DLGAP2: variants seen among roughly 807,000 people sequenced by gnomAD.
DLGAP2 encodes disks large-associated protein 2.
DLGAP2 carries 26 observed loss-of-function variants against 100.3 expected under a neutral mutation model. The ratio of observed to expected loss-of-function variants is 0.26; its 90% CI spans 0.19 to 0.36. The LOEUF (loss-of-function observed/expected upper bound fraction) is 0.36, where lower values mean the gene tolerates loss of function less well. Ranked by LOEUF, DLGAP2 falls within the 10% of genes least tolerant of loss-of-function variation. The pLI, the probability that DLGAP2 is intolerant of heterozygous loss-of-function variation, is 1.00. For missense variants in DLGAP2, 1,858 were observed against 1,453.2 expected (o/e 1.28, Z -4.53); for synonymous variants, 886 against 630.1 (o/e 1.41, Z -6.08).
chr8:1,335,015 A>G (rs892689097), intron 3 of DLGAP2, among the ~76,000 whole-genome samples: 1 of 152,310 alleles, frequency 6.6e-6, no homozygotes, highest in East Asian at 1.9e-4. Context: ...TCTTATAAGC[A>G]TCTAAGTAAA....
At chr8:1,473,595 G>A (rs1364514732) in intron 3 of DLGAP2, among the ~76,000 whole-genome samples, 2 of 152,172 alleles carry the variant, frequency 1.3e-5, no homozygotes, top group Non-Finnish European at 2.9e-5. Context: ...GCGAGCTTTG[G>A]GGTGATGGGA....
rs1801142208 is a variant in DLGAP2 at position 1,330,894 on chromosome 8, G to A, written c.106+72011G>A. Reference sequence around the variant, plus strand: ...GGGAGCATCGCTTCACGGGGACTGAGTTCTGTGTGGGAGCACCACTTCATG... The same window carrying A: ...GGGAGCATCGCTTCACGGGGACTGAATTCTGTGTGGGAGCACCACTTCATG... On this transcript the variant is annotated intron_variant, in intron 3 of 14. Coordinates refer to ENST00000637795, the MANE Select transcript of DLGAP2 (RefSeq NM_001346810.2). 2.7e-5 allele frequency among the ~76,000 whole-genome samples: 4 copies of A among 149,282 alleles called. No homozygotes were observed. In the South Asian group the frequency reaches 8.6e-4, roughly 32 times the overall value.
chr8:1,369,548 C>G (rs1026316255), intron 3 of DLGAP2: 1 of 152,262 alleles, frequency 6.6e-6, no homozygotes, highest in East Asian at 1.9e-4. Flanking sequence ...CTGTCTACTT[C>G]ATTTGGCCTC....
intron 2 of DLGAP2, among the ~76,000 whole-genome samples, chr8:1,172,294 T>C (rs1234623599): frequency 2.0e-5 from 3 of 152,196 alleles, no homozygotes; most frequent in Non-Finnish European, 4.4e-5. Context: ...TAACCCGACC[T>C]TTCTCTCTGG....
chr8:832,507 T>A (rs2132703453), intron 1 of DLGAP2, among the ~76,000 whole-genome samples: 2 of 152,346 alleles, frequency 1.3e-5, no homozygotes, highest in Middle Eastern at 6.8e-3. Context: ...AGGCTCTGCT[T>A]GTCTCTGCGT....
chr8:1,241,993 G>A (rs1798807047), intron 2 of DLGAP2, among the ~76,000 whole-genome samples: 1 of 152,182 alleles, frequency 6.6e-6, no homozygotes, highest in Non-Finnish European at 1.5e-5. Flanking sequence ...GATGGTCTCT[G>A]AGGGAACTCC....
chr8:831,746 G>T (rs1179542898), intron 1 of DLGAP2, among the ~76,000 whole-genome samples: 2 of 152,136 alleles, frequency 1.3e-5, no homozygotes, highest in Non-Finnish European at 2.9e-5. Flanking sequence ...TTAGATCACT[G>T]GGTCAAATGG....
chr8:1,632,841 G>T lies in DLGAP2; in HGVS notation c.1605G>T (p.Glu535Asp). 6.2e-7 allele frequency: 1 copy of T among 1,611,060 alleles called. No homozygotes were observed. Among genetic ancestry groups the T allele is most frequent in the Non-Finnish European group, 8.5e-7 (1 of 1,177,892 alleles). ...GATGATTGCAGGTGAGCGAGGCGGA[G>T]ATCAATGGGCAATTCGAGTCCGTGT... ...ASCVSQVSEA[E>D]INGQFESVCE... The change falls in exon 8 of 15, where the codon GAG becomes GAT. Residue 535 changes from glutamate to aspartate, a missense_variant. Transcript: ENST00000637795.
intron 2 of DLGAP2, among the ~76,000 whole-genome samples, chr8:969,524 A>C (rs1266711551): frequency 6.6e-6 from 1 of 151,290 alleles, no homozygotes; most frequent in Admixed American, 6.6e-5. Context: ...AGTTTTTAGG[A>C]ATCTTGTGTG....
intron 1 of DLGAP2, among the ~76,000 whole-genome samples, chr8:773,246 G>A (rs1330833083): frequency 6.6e-6 from 1 of 151,964 alleles, no homozygotes; most frequent in Non-Finnish European, 1.5e-5. Context: ...TTTTCACATG[G>A]TCTCTGGTGT....
rs532785396 is a variant in DLGAP2, at chr8:959,774, A to G, written c.73+51808A>G. On this transcript the variant is annotated intron_variant, in intron 2 of 14. Coordinates refer to ENST00000637795, the MANE Select transcript of DLGAP2 (RefSeq NM_001346810.2). Reference sequence around the variant, plus strand: ...CCATCTGACATTCACTTTTATTTTAAACTAAAGAGGAGAGAATATGACTAT... The same window carrying G: ...CCATCTGACATTCACTTTTATTTTAGACTAAAGAGGAGAGAATATGACTAT... Among the ~76,000 whole-genome samples, 7 of 152,294 alleles carry G rather than the reference A, an allele frequency of 4.6e-5. No homozygotes were observed. The South Asian group carries it at 1.5e-3, about 32-fold the overall frequency.
chr8:1,513,480 C>G lies in DLGAP2; in HGVS notation c.172+12049C>G, dbSNP rs780984617. ...GAACAGCTGGTGGGAGCGGTGCAAG[C>G]ACAGCCCAGCTCAGAGGGGCCGTCA... is the stretch of plus-strand genomic sequence containing the variant. On this transcript the variant is annotated intron_variant, in intron 4 of 14. Transcript: ENST00000637795. Among the ~76,000 whole-genome samples, 17 of 152,358 alleles carry G rather than the reference C, an allele frequency of 1.1e-4. No individual in the cohort carries two copies. The South Asian group carries it at 1.7e-3, about 15-fold the overall frequency.
chr8:1,699,844 C>G (rs1342715671), intron 14 of DLGAP2, among the ~76,000 whole-genome samples: 1 of 152,200 alleles, frequency 6.6e-6, no homozygotes, highest in African/African-American at 2.4e-5. Flanking sequence ...ATTGGGGAAC[C>G]CCCACAGGAA....
intron 12 of DLGAP2, among the ~76,000 whole-genome samples, chr8:1,682,618 A>G (rs1042936443): frequency 8.9e-5 from 13 of 146,146 alleles, no homozygotes; most frequent in Non-Finnish European, 1.6e-4. Flanking sequence ...GGGACTACAG[A>G]CACGCACCAC....
At chr8:1,634,568 C>T (rs917185358) in intron 8 of DLGAP2, among the ~76,000 whole-genome samples, 1 of 152,202 alleles carries the variant, frequency 6.6e-6, no homozygotes, top group African/African-American at 2.4e-5. Context: ...CTGATGTGAA[C>T]ATTGAACAAA....
At chr8:1,630,824 T>C (rs1407848933) in intron 7 of DLGAP2, among the ~76,000 whole-genome samples, 2 of 152,136 alleles carry the variant, frequency 1.3e-5, no homozygotes, top group African/African-American at 2.4e-5. Flanking sequence ...GTTTCCTCCT[T>C]GGAACCTCAG....
At chr8:1,186,807 G>C (rs1387597322) in intron 2 of DLGAP2, among the ~76,000 whole-genome samples, 2 of 152,150 alleles carry the variant, frequency 1.3e-5, no homozygotes, top group African/African-American at 4.8e-5. Flanking sequence ...ACCTGCAGGA[G>C]TGCCTGGCTT....
At chr8:1,555,674 G>A (rs1397683793) in intron 5 of DLGAP2, among the ~76,000 whole-genome samples, 1 of 152,214 alleles carries the variant, frequency 6.6e-6, no homozygotes, top group African/African-American at 2.4e-5. Flanking sequence ...GTTGTCCTGG[G>A]ACTCGGTGTG....
At chr8:1,480,512 C>G (rs1223165395) in intron 3 of DLGAP2, among the ~76,000 whole-genome samples, 2 of 152,134 alleles carry the variant, frequency 1.3e-5, no homozygotes, top group Non-Finnish European at 2.9e-5. Context: ...TGGCCTAGTC[C>G]ATCACTCATC....
Sources: allele counts gnomAD v4.1 joint callset (sites outside exome capture counted in the v4.1 genomes callset), GRCh38; gene constraint gnomAD v4.1.1; transcripts MANE v1.5; gene names NCBI Gene and HGNC (gene_info 2026-07-23, HGNC 2026-07-21).